DAO: variants seen among roughly 807,000 people sequenced by gnomAD.
The protein encoded by DAO is D-amino acid oxidase.
A neutral mutation model predicts 50.1 loss-of-function variants in DAO; 51 were observed. That is an observed-to-expected ratio of 1.02 (90% CI 0.81 to 1.29). The LOEUF (loss-of-function observed/expected upper bound fraction) is 1.29, where lower values mean the gene tolerates loss of function less well. Among genes scored for constraint, DAO ranks in the 50% most tolerant of loss-of-function variants. The pLI, the probability that DAO is intolerant of heterozygous loss-of-function variation, is 0.00. For synonymous variants in DAO, 160 were observed against 166.2 expected, an observed-to-expected ratio of 0.96 and a Z score of 0.29; for missense variants, 436 against 439.4, an observed-to-expected ratio of 0.99 and a Z score of 0.07.
chr12:108,890,252 A>G lies in DAO; in HGVS notation c.431A>G (p.Tyr144Cys), dbSNP rs982634992. 49 of 1,613,578 alleles carry G rather than the reference A, an allele frequency of 3.0e-5. 1 individual carries two copies. Among genetic ancestry groups the G allele is most frequent in the Non-Finnish European group, 4.1e-5 (48 of 1,179,610 alleles). ...AGCCTAATTCTGGAGGGAAAGAACT[A>G]TCTACAGTGGCTGACTGAAAGGTGA... ...HTSLILEGKN[Y>C]LQWLTERLTE... The change falls in exon 5 of 11, where the codon TAT becomes TGT. Residue 144 changes from tyrosine to cysteine, a missense_variant. Tyr to Cys is a radical substitution (Grantham distance 194). Coordinates refer to ENST00000228476, the MANE Select transcript of DAO (RefSeq NM_001917.5).
intron 6 of DAO, among the ~76,000 whole-genome samples, chr12:108,893,758 G>T (rs976218086): frequency 6.6e-6 from 1 of 152,150 alleles, no homozygotes; most frequent in African/African-American, 2.4e-5. Context: ...AGGGGCTCAC[G>T]ATGCGTGCTT....
chr12:108,885,247 G>T (rs757275180), intron 2 of DAO, 47 bp downstream of exon 2: 2 of 1,568,654 alleles, frequency 1.3e-6, no homozygotes, highest in African/African-American at 1.3e-5. Flanking sequence ...ATGGACCTAA[G>T]TCTGCAGAGG....
chr12:108,880,175 G>A lies in DAO; in HGVS notation c.-59G>A, dbSNP rs760954018. ...GCTTCCCCTCAGGAAATAGCATCCT[G>A]TGTCCCCGCACTGCAGTTGTCTGGT... On this transcript the variant is annotated 5_prime_UTR_variant, in exon 1 of 11. The change creates a new upstream start codon in the 5' untranslated region. Coordinates refer to ENST00000228476, the MANE Select transcript of DAO (RefSeq NM_001917.5). 1 of 456,172 alleles carries A rather than the reference G, an allele frequency of 2.2e-6. No homozygotes were observed. Among genetic ancestry groups the A allele is most frequent in the South Asian group, 1.6e-5 (1 of 64,408 alleles). 28.3% of individuals were successfully genotyped at this position (456,172 alleles called of 1,614,324 possible). A position where few individuals can be genotyped will look rare whatever the true frequency, so the allele number is the denominator to read the frequency against.
chr12:108,882,510 T>C (rs940236624), intron 1 of DAO, among the ~76,000 whole-genome samples: 1 of 151,650 alleles, frequency 6.6e-6, no homozygotes, highest in African/African-American at 2.4e-5. Context: ...TGAAACTCTG[T>C]CTCGAAAAAA....
intron 5 of DAO, among the ~76,000 whole-genome samples, chr12:108,891,683 C>T (rs1173728035): frequency 1.3e-5 from 2 of 151,838 alleles, no homozygotes; most frequent in Non-Finnish European, 2.9e-5. Context: ...ACAGCAGCCT[C>T]AACTTCCTGG....
At chr12:108,885,308 T>A (rs1388195700) in intron 2 of DAO, 108 bp downstream of exon 2, 3 of 1,099,262 alleles carry the variant, frequency 2.7e-6, no homozygotes, top group Non-Finnish European at 2.7e-6. Context: ...AGCTCTGATC[T>A]AGCATAAAAT....
chr12:108,892,458 G>A (rs1026958202), intron 5 of DAO, among the ~76,000 whole-genome samples: 5 of 152,044 alleles, frequency 3.3e-5, no homozygotes, highest in African/African-American at 1.2e-4. Flanking sequence ...GAGCCACCGC[G>A]CCTCGCTGTT....
intron 7 of DAO, among the ~76,000 whole-genome samples, chr12:108,895,592 G>A (rs998117749): frequency 1.8e-4 from 26 of 148,250 alleles, no homozygotes; most frequent in East Asian, 1.4e-3. Flanking sequence ...GTGTATGTAC[G>A]TGTGTGATGG....
intron 5 of DAO, among the ~76,000 whole-genome samples, chr12:108,891,693 G>A (rs2039493526): frequency 6.6e-6 from 1 of 151,908 alleles, no homozygotes; most frequent in African/African-American, 2.4e-5. Flanking sequence ...CAACTTCCTG[G>A]GCTCAAGTGA....
rs370596425 is a variant in DAO at position 108,890,341 on chromosome 12, G to A, written c.452+68G>A. ...ACCAAGTTGTAGTGGAAGATGGTTC[G>A]TGGGCTTCCCTCAGCATGGACTAAC... On this transcript the variant is annotated intron_variant, in intron 5 of 10. Coordinates refer to ENST00000228476, the MANE Select transcript of DAO (RefSeq NM_001917.5). 75 of 1,252,628 alleles carry A rather than the reference G, an allele frequency of 6.0e-5. No homozygotes were observed. In the South Asian group the frequency reaches 6.5e-4, roughly 11 times the overall value. 77.6% of individuals were successfully genotyped at this position (1,252,628 alleles called of 1,614,324 possible). A position where few individuals can be genotyped will look rare whatever the true frequency, so the allele number is the denominator to read the frequency against.
intron 4 of DAO, 37 bp from the exon 5 acceptor site, chr12:108,890,171 T>C: frequency 6.4e-7 from 1 of 1,559,526 alleles, no homozygotes; most frequent in Non-Finnish European, 8.8e-7. Flanking sequence ...CTCTGATTTT[T>C]ACCTTTATTT....
chr12:108,888,074 C>T (rs1462129536), intron 3 of DAO, among the ~76,000 whole-genome samples: 5 of 152,170 alleles, frequency 3.3e-5, no homozygotes, highest in African/African-American at 1.2e-4. Context: ...AAAACGGAGG[C>T]TCCAAGAAAT....
intron 2 of DAO, among the ~76,000 whole-genome samples, chr12:108,887,059 G>A (rs1031278297): frequency 2.0e-5 from 3 of 152,164 alleles, no homozygotes; most frequent in Non-Finnish European, 4.4e-5. Flanking sequence ...AAAGTTGTAG[G>A]AGCGGCAAGT....
Position 108,885,201 on chromosome 12 carries a change from G to A in DAO, c.194+1G>A, listed in dbSNP as rs762930737. On this transcript the variant is annotated splice_donor_variant, in intron 2 of 10. Coordinates refer to ENST00000228476, the MANE Select transcript of DAO (RefSeq NM_001917.5). LOFTEE classifies it high-confidence loss of function. ...CTGACCCCAACAACCCACAGGAGGC[G>A]TGAGTGAGGGTCACATAGGGTAGCC... 33 of 1,611,658 alleles carry A rather than the reference G, an allele frequency of 2.0e-5. No individual in the cohort carries two copies. The highest frequency in any genetic ancestry group is 2.0e-4 in the Admixed American group (12 of 60,012).
At chr12:108,895,444 GGT>G (rs1261980129) in intron 7 of DAO, among the ~76,000 whole-genome samples, 7 of 142,784 alleles carry the variant, frequency 4.9e-5, no homozygotes, top group East Asian at 2.2e-4. Context: ...TATGTGTGAC[GGT>G]GTGTGTGCAC....
intron 6 of DAO, 82 bp from the exon 7 acceptor site, chr12:108,894,181 T>C: frequency 9.5e-7 from 1 of 1,056,434 alleles, no homozygotes. Context: ...AGATTGAGGG[T>C]AGAAGAAAGG....
intron 3 of DAO, among the ~76,000 whole-genome samples, chr12:108,888,147 A>T (rs2137346803): frequency 6.6e-6 from 1 of 152,328 alleles, no homozygotes; most frequent in African/African-American, 2.4e-5. Flanking sequence ...AACCCAGGCC[A>T]TCTGTGACTC....
intron 10 of DAO, 21 bp from the exon 11 acceptor site, chr12:108,900,383 C>T (rs762262174): frequency 6.2e-7 from 1 of 1,613,528 alleles, no homozygotes; most frequent in Non-Finnish European, 8.5e-7. Flanking sequence ...ACCTGGCCAC[C>T]TTCTCTCTTG....
At chr12:108,880,555 A>G (rs1025565264) in intron 1 of DAO, among the ~76,000 whole-genome samples, 11 of 152,024 alleles carry the variant, frequency 7.2e-5, no homozygotes, top group African/African-American at 2.2e-4. Flanking sequence ...AGTTATTATT[A>G]TTTTTGGTGG....
Sources: gnomAD v4.1 joint callset for allele counts (sites outside exome capture counted in the v4.1 genomes callset) on GRCh38, gnomAD v4.1.1 for gene constraint, MANE v1.5 for transcripts, NCBI Gene and HGNC (gene_info 2026-07-23, HGNC 2026-07-21) for gene names.